The following ERG variants were observed in gnomAD, a reference collection of about 807,000 sequenced individuals.
The protein encoded by ERG is transcriptional regulator ERG.
A neutral mutation model predicts 55.3 loss-of-function variants in ERG; 9 were observed. The ratio of observed to expected loss-of-function variants is 0.16; its 90% CI spans 0.10 to 0.28. ERG has a LOEUF of 0.28. Among genes scored for constraint, ERG ranks in the 10% least tolerant of loss-of-function variants. The pLI is 1.00. For missense variants in ERG, 434 were observed against 631.6 expected, an observed-to-expected ratio of 0.69 and a Z score of 3.35; for synonymous variants, 223 against 237.3, an observed-to-expected ratio of 0.94 and a Z score of 0.55.
intron 2 of ERG, among the ~76,000 whole-genome samples, chr21:38,540,298 A>C (rs1055379028): frequency 3.3e-5 from 5 of 152,218 alleles, no homozygotes. Context: ...CATTTAATTA[A>C]CAATGTTGTC....
intron 2 of ERG, among the ~76,000 whole-genome samples, chr21:38,521,765 T>C (rs2059596387): frequency 1.3e-5 from 2 of 152,222 alleles, no homozygotes; most frequent in Non-Finnish European, 2.9e-5. Context: ...GGAACTATAC[T>C]ACTTGCAACT....
At chr21:38,395,725 C>T (rs1454535202) in intron 6 of ERG, 1 of 169,804 alleles carries the variant, frequency 5.9e-6, no homozygotes, top group Non-Finnish European at 1.3e-5. Context: ...ACACCAGCAA[C>T]TGTGTCGATT....
chr21:38,523,941 C>T (rs1156668482), intron 2 of ERG, among the ~76,000 whole-genome samples: 1 of 152,208 alleles, frequency 6.6e-6, no homozygotes, highest in African/African-American at 2.4e-5. Flanking sequence ...AAAGGCAAGA[C>T]TGCGATTTAA....
intron 2 of ERG, among the ~76,000 whole-genome samples, chr21:38,538,073 A>T (rs2059724749): frequency 6.6e-6 from 1 of 152,184 alleles, no homozygotes; most frequent in Admixed American, 6.5e-5. Context: ...CCATCCACAA[A>T]AGGACAAATG....
At chr21:38,661,359 A>T (rs1165123448) in intron 1 of ERG, among the ~76,000 whole-genome samples, 1 of 152,202 alleles carries the variant, frequency 6.6e-6, no homozygotes, top group African/African-American at 2.4e-5. Context: ...CTCGATGCTG[A>T]TGAGAACTGG....
intron 1 of ERG, among the ~76,000 whole-genome samples, chr21:38,652,337 G>A (rs2060493172): frequency 6.6e-6 from 1 of 152,112 alleles, no homozygotes; most frequent in Non-Finnish European, 1.5e-5. Context: ...ATCTTCCTAT[G>A]GAATGGTGTA....
At chr21:38,617,629 T>C (rs2060266296) in intron 1 of ERG, among the ~76,000 whole-genome samples, 1 of 152,210 alleles carries the variant, frequency 6.6e-6, no homozygotes, top group African/African-American at 2.4e-5. Context: ...CATCTCTTCA[T>C]ATAACATTCA....
chr21:38,409,986 T>C (rs1291054159), intron 3 of ERG, among the ~76,000 whole-genome samples: 1 of 152,272 alleles, frequency 6.6e-6, no homozygotes, highest in East Asian at 1.9e-4. Flanking sequence ...AACCATTTAC[T>C]GGACGTAAAC....
intron 3 of ERG, among the ~76,000 whole-genome samples, chr21:38,415,608 C>T (rs1163991055): frequency 5.3e-5 from 8 of 152,048 alleles, no homozygotes; most frequent in African/African-American, 1.5e-4. Context: ...TGTTCAGGGA[C>T]GTAACAAAGA....
At chr21:38,371,571 G>C in the ERG span, among the ~76,000 whole-genome samples, 2 of 151,934 alleles carry the variant, frequency 1.3e-5, no homozygotes, top group African/African-American at 4.8e-5. Flanking sequence ...TTTGCTAGTA[G>C]TTAATAAGAT....
chr21:38,554,505 A>G (rs2059845562), intron 2 of ERG, among the ~76,000 whole-genome samples: 1 of 152,204 alleles, frequency 6.6e-6, no homozygotes. Flanking sequence ...AATAGAATGA[A>G]ATCATGTCCT....
At chr21:38,510,680 C>T (rs2059504967) in intron 2 of ERG, among the ~76,000 whole-genome samples, 1 of 152,186 alleles carries the variant, frequency 6.6e-6, no homozygotes, top group Non-Finnish European at 1.5e-5. Flanking sequence ...CTCGTAGTGA[C>T]CCATGGAAGT....
chr21:38,464,727 C>G lies in ERG; in HGVS notation c.19-19106G>C, dbSNP rs139931665. 4.6e-3 allele frequency among the ~76,000 whole-genome samples: 702 copies of G among 152,030 alleles called. 7 individuals carry two copies. The highest frequency in any genetic ancestry group is 0.016 in the African/African-American group (649 of 41,446). On this transcript the variant is annotated intron_variant, in intron 1 of 9. Coordinates refer to ENST00000288319, the MANE Select transcript of ERG (RefSeq NM_182918.4). ...CTATCCCTCACCTACCCTCCTACCC[C>G]CCGAGAGGCCCTGGTGTGTGATGTT... is the stretch of plus-strand genomic sequence containing the variant.
intron 1 of ERG, among the ~76,000 whole-genome samples, chr21:38,450,466 C>T (rs980229035): frequency 6.6e-6 from 1 of 152,192 alleles, no homozygotes; most frequent in Non-Finnish European, 1.5e-5. Context: ...AGATCATTCA[C>T]TTAGGAAGCC....
intron 1 of ERG, among the ~76,000 whole-genome samples, chr21:38,579,082 C>T (rs1212093120): frequency 6.6e-6 from 1 of 152,160 alleles, no homozygotes; most frequent in Non-Finnish European, 1.5e-5. Context: ...CACCAGAAGC[C>T]TCCATGGGAT....
At chr21:38,398,214 G>A (rs114359012) in intron 6 of ERG, among the ~76,000 whole-genome samples, 364 of 152,232 alleles carry the variant, frequency 2.4e-3, no homozygotes, top group African/African-American at 8.0e-3. Flanking sequence ...CCATCACGAC[G>A]TTCATTCTCC....
rs549165858 is a variant in ERG, at chr21:38,515,322, T to C, written c.-41+60340A>G. 9.1e-4 allele frequency among the ~76,000 whole-genome samples: 139 copies of C among 151,968 alleles called. 3 individuals carry two copies. The South Asian group carries it at 0.028, about 30-fold the overall frequency. ...AGAGACTATTACAAACTGGAAAACC[T>C]AGAGGAAATGGATACATTTCTGAAC... is the stretch of plus-strand genomic sequence containing the variant. On this transcript the variant is annotated intron_variant, in intron 2 of 8. Transcript: ENST00000398897.
At chr21:38,659,600 T>C (rs1417022836) in intron 1 of ERG, among the ~76,000 whole-genome samples, 1 of 152,252 alleles carries the variant, frequency 6.6e-6, no homozygotes, top group Non-Finnish European at 1.5e-5. Context: ...AATGTATTTT[T>C]ACTCACATTG....
At chr21:38,487,374 A>C (rs977629332) in intron 1 of ERG, among the ~76,000 whole-genome samples, 1 of 152,170 alleles carries the variant, frequency 6.6e-6, no homozygotes, top group Non-Finnish European at 1.5e-5. Context: ...AATGGGGAAA[A>C]AGAACGAAGT....
Sources: gnomAD v4.1 joint callset for allele counts (sites outside exome capture counted in the v4.1 genomes callset) on GRCh38, gnomAD v4.1.1 for gene constraint, MANE v1.5 for transcripts, NCBI Gene and HGNC (gene_info 2026-07-23, HGNC 2026-07-21) for gene names.